Variants in POU1F1 observed in about 807,000 individuals in gnomAD.
The protein encoded by POU1F1 is pituitary-specific positive transcription factor 1.
A neutral mutation model predicts 32.3 loss-of-function variants in POU1F1; 23 were observed. The ratio of observed to expected loss-of-function variants is 0.71; its 90% CI spans 0.51 to 1.01. The LOEUF (loss-of-function observed/expected upper bound fraction) is 1.01, where lower values mean the gene tolerates loss of function less well. Among genes scored for constraint, POU1F1 ranks in the 50% least tolerant of loss-of-function variants. The probability of loss-of-function intolerance (pLI) is 0.00; values close to 1 mark genes in which losing one functional copy is unlikely to be tolerated. For synonymous variants in POU1F1, 120 were observed against 115.6 expected (o/e 1.04, Z -0.25); for missense variants, 323 against 341.6 (o/e 0.95, Z 0.43).
At chr3:87,272,679 A>G (rs1706749381) in intron 2 of POU1F1, among the ~76,000 whole-genome samples, 1 of 152,164 alleles carries the variant, frequency 6.6e-6, no homozygotes, top group Admixed American at 6.6e-5. Flanking sequence ...CTATAGGAGA[A>G]AAGTATGTAA....
chr3:87,265,019 G>A (rs762898621), intron 2 of POU1F1, among the ~76,000 whole-genome samples: 5 of 151,886 alleles, frequency 3.3e-5, no homozygotes, highest in African/African-American at 4.8e-5. Flanking sequence ...ATATAAAAAC[G>A]CCCCACTATT....
intron 5 of POU1F1, among the ~76,000 whole-genome samples, chr3:87,260,701 G>A (rs764118945): frequency 7.2e-5 from 11 of 152,020 alleles, no homozygotes; most frequent in Non-Finnish European, 1.2e-4. Context: ...TAGCTAAAAG[G>A]GGAGAAGATA....
At chr3:87,260,991 A>G (rs565774116) in intron 5 of POU1F1, among the ~76,000 whole-genome samples, 29 of 151,298 alleles carry the variant, frequency 1.9e-4, no homozygotes, top group African/African-American at 6.3e-4. Flanking sequence ...GATCACTGCA[A>G]CCTCCGCCTC....
Position 87,264,474 on chromosome 3 carries a change from T to G in POU1F1, c.253A>C (p.Thr85Pro), listed in dbSNP as rs1575978019. 6.2e-7 allele frequency: 1 copy of G among 1,612,622 alleles called. No homozygotes were observed. The highest frequency in any genetic ancestry group is 8.5e-7 in the Non-Finnish European group (1 of 1,178,796). ...ATAGGAGGAAATCCATGACTCAAGG[T>G]GTGGTCAGGAAATTTATAAAGACAA... ...TPCLYKFPDH[T>P]LSHGFPPIHQ... is the part of the protein sequence containing the mutation. Residue 85 changes from threonine to proline, a missense_variant, in exon 3 of 6, where the codon ACC becomes CCC. Physicochemically the swap from Thr to Pro is conservative, Grantham distance 38. Coordinates refer to ENST00000350375, the MANE Select transcript of POU1F1 (RefSeq NM_000306.4).
At chr3:87,267,929 T>C (rs1419124604) in intron 2 of POU1F1, among the ~76,000 whole-genome samples, 1 of 152,118 alleles carries the variant, frequency 6.6e-6, no homozygotes, top group African/African-American at 2.4e-5. Context: ...AGGTAGTTTA[T>C]ACATTGTAAG....
At chr3:87,273,188 G>A (rs988003896) in intron 2 of POU1F1, among the ~76,000 whole-genome samples, 159 bp downstream of exon 2, 2 of 152,008 alleles carry the variant, frequency 1.3e-5, no homozygotes, top group African/African-American at 2.4e-5. Context: ...CTCTGTGGGT[G>A]TCACAGAGCA....
At chr3:87,264,548 A>G in intron 2 of POU1F1, 36 bp from the exon 3 acceptor site, 1 of 1,465,148 alleles carries the variant, frequency 6.8e-7, no homozygotes, top group Non-Finnish European at 9.6e-7. Context: ...GAAAAAGACC[A>G]TTTGTCATTC....
chr3:87,263,225 G>T (rs1706543089), intron 3 of POU1F1, among the ~76,000 whole-genome samples: 1 of 151,822 alleles, frequency 6.6e-6, no homozygotes, highest in South Asian at 2.1e-4. Context: ...TCACAGAAAA[G>T]GAAATATAAA....
intron 2 of POU1F1, among the ~76,000 whole-genome samples, chr3:87,272,705 T>G (rs1210399691): frequency 6.6e-6 from 1 of 152,156 alleles, no homozygotes. Flanking sequence ...ATGATTTCAA[T>G]CTCACTTAAG....
Position 87,259,857 on chromosome 3 carries a change from A to C in POU1F1, c.*37T>G, listed in dbSNP as rs1706472107. On this transcript the variant is annotated 3_prime_UTR_variant, in exon 6 of 6. Transcript: ENST00000350375. ...TTTTGTTGAGGAAGAGAAAGGAATG[A>C]AACGGGAGAAAAAGGCTATTATACA... 6.5e-7 allele frequency: 1 copy of C among 1,548,108 alleles called. No homozygotes were observed. Among genetic ancestry groups the C allele is most frequent in the African/African-American group, 1.4e-5 (1 of 73,466 alleles).
chr3:87,274,302 T>TA (rs1706787639), intron 1 of POU1F1, among the ~76,000 whole-genome samples: 1 of 152,124 alleles, frequency 6.6e-6, no homozygotes, highest in Non-Finnish European at 1.5e-5. Flanking sequence ...ATCAAGTTGA[T>TA]AGGGAGCACA....
At chr3:87,270,164 AG>A (rs978533737) in intron 2 of POU1F1, among the ~76,000 whole-genome samples, 5 of 152,234 alleles carry the variant, frequency 3.3e-5, no homozygotes, top group Admixed American at 2.6e-4. Context: ...CAGGAGTGAA[AG>A]GACAGAAGGA....
At chr3:87,272,481 A>G (rs1476495437) in intron 2 of POU1F1, among the ~76,000 whole-genome samples, 1 of 152,194 alleles carries the variant, frequency 6.6e-6, no homozygotes, top group African/African-American at 2.4e-5. Context: ...TCCTGCGCAT[A>G]ATAAAACTGT....
At chr3:87,273,835 C>G (rs1445511201) in intron 1 of POU1F1, among the ~76,000 whole-genome samples, 2 of 152,052 alleles carry the variant, frequency 1.3e-5, no homozygotes, top group African/African-American at 4.8e-5. Context: ...GAAGAATAGT[C>G]CTTTAAAATT....
At chr3:87,276,140 C>T (rs972864897) in intron 1 of POU1F1, among the ~76,000 whole-genome samples, 181 bp downstream of exon 1, 1 of 152,050 alleles carries the variant, frequency 6.6e-6, no homozygotes, top group African/African-American at 2.4e-5. Context: ...ACTAATATTT[C>T]TTTAAAATTT....
chr3:87,267,787 G>A (rs1483320500), intron 2 of POU1F1, among the ~76,000 whole-genome samples: 1 of 151,934 alleles, frequency 6.6e-6, no homozygotes, highest in African/African-American at 2.4e-5. Flanking sequence ...TAAATTTTTT[G>A]CACAGACGGG....
chr3:87,274,007 C>A (rs551948262), intron 1 of POU1F1, among the ~76,000 whole-genome samples: 1 of 152,262 alleles, frequency 6.6e-6, no homozygotes, highest in South Asian at 2.1e-4. Flanking sequence ...AATCTCACTG[C>A]ATTCAGAGTG....
rs756060287 is a variant in POU1F1, at chr3:87,262,022, T to A, written c.604+49A>T. 4.1e-5 allele frequency: 66 copies of A among 1,607,872 alleles called. 1 individual carries two copies. In the South Asian group the frequency reaches 7.1e-4, roughly 17 times the overall value. ...CATTAATCCTACTTATTGAAGCCATTATTTTTAGGTTAAAACACAGCACAG... is the reference window on the plus strand; with the variant it reads ...CATTAATCCTACTTATTGAAGCCATAATTTTTAGGTTAAAACACAGCACAG... On this transcript the variant is annotated intron_variant, in intron 4 of 5. Transcript: ENST00000350375.
At position 87,259,707 on chromosome 3, in the gene POU1F1, T is replaced by C; in HGVS notation, c.*187A>G. 1 of 590,960 alleles carries C rather than the reference T, an allele frequency of 1.7e-6. No homozygotes were observed. The highest frequency in any genetic ancestry group is 2.1e-5 in the South Asian group (1 of 47,064). 36.6% of individuals were successfully genotyped at this position (590,960 alleles called of 1,614,324 possible). On this transcript the variant is annotated 3_prime_UTR_variant, in exon 6 of 6. Coordinates refer to ENST00000350375, the MANE Select transcript of POU1F1 (RefSeq NM_000306.4). ...AATGTGGCTTCTGAGAATAATTATT[T>C]TAAGTAAATAACATCAATATAATTT...
Sources: gnomAD v4.1 joint callset for allele counts (sites outside exome capture counted in the v4.1 genomes callset) on GRCh38, gnomAD v4.1.1 for gene constraint, MANE v1.5 for transcripts, NCBI Gene and HGNC (gene_info 2026-07-23, HGNC 2026-07-21) for gene names.